Variants in TRIM33 observed in about 807,000 individuals in gnomAD.
TRIM33 encodes E3 ubiquitin-protein ligase TRIM33.
TRIM33 carries 20 observed loss-of-function variants against 125.4 expected under a neutral mutation model. The observed-to-expected ratio is 0.16, with a 90% CI of 0.11 to 0.23. TRIM33 has a LOEUF of 0.23. Ranked by LOEUF, TRIM33 falls within the 10% of genes least tolerant of loss-of-function variation. The pLI, the probability that TRIM33 is intolerant of heterozygous loss-of-function variation, is 1.00. For synonymous variants in TRIM33, 564 were observed against 513.9 expected, an observed-to-expected ratio of 1.10 and a Z score of -1.32; for missense variants, 920 against 1,411.4, an observed-to-expected ratio of 0.65 and a Z score of 5.58.
At chr1:114,457,417 C>A (rs1649691384) in intron 4 of TRIM33, among the ~76,000 whole-genome samples, 1 of 152,150 alleles carries the variant, frequency 6.6e-6, no homozygotes, top group Admixed American at 6.5e-5. Flanking sequence ...AAAATAGCTA[C>A]TACAGGCATT....
rs571394725 is a variant in TRIM33 at position 114,395,661 on chromosome 1, A to T, written c.*1987T>A. On this transcript the variant is annotated 3_prime_UTR_variant, in exon 20 of 20. Transcript: ENST00000358465. ...GCATAGGCATAAGTATTTTTAAATAATTTTCTCCCTCTTATTAAAAAACAT... is the reference window on the plus strand; with the variant it reads ...GCATAGGCATAAGTATTTTTAAATATTTTTCTCCCTCTTATTAAAAAACAT... 2.7e-4 allele frequency: 52 copies of T among 195,180 alleles called. No homozygotes were observed. The highest frequency in any genetic ancestry group is 1.2e-3 in the African/African-American group (51 of 43,392). The allele number at this position is 195,180 out of a possible 1,614,324, so 12.1% of individuals were successfully genotyped here.
intron 4 of TRIM33, among the ~76,000 whole-genome samples, chr1:114,434,301 TG>T (rs1648147867): frequency 6.6e-6 from 1 of 152,236 alleles, no homozygotes; most frequent in Non-Finnish European, 1.5e-5. Flanking sequence ...CCACTGCATG[TG>T]GCCTAACTAT....
chr1:114,470,623 G>C (rs896900715), intron 1 of TRIM33, among the ~76,000 whole-genome samples: 1 of 145,816 alleles, frequency 6.9e-6, no homozygotes, highest in African/African-American at 2.6e-5. Flanking sequence ...AATCGATTCA[G>C]CATGACTTGG....
chr1:114,425,742 G>T lies in TRIM33; in HGVS notation c.1421-19C>A. On this transcript the variant is annotated intron_variant, in intron 8 of 19. Coordinates refer to ENST00000358465, the MANE Select transcript of TRIM33 (RefSeq NM_015906.4). ...AGATTACCTGAAAAATTTAAAAAAT[G>T]AGAATTTGCATATAATCAACTAAAT... The T allele has an allele frequency of 6.4e-7, 1 of 1,554,752 alleles. No individual in the cohort carries two copies. Among genetic ancestry groups the T allele is most frequent in the South Asian group, 1.2e-5 (1 of 84,962 alleles).
intron 4 of TRIM33, among the ~76,000 whole-genome samples, chr1:114,455,038 G>A (rs1478838013): frequency 1.3e-5 from 2 of 152,148 alleles, no homozygotes; most frequent in Non-Finnish European, 2.9e-5. Flanking sequence ...TTGACTTAGA[G>A]GCACAGGATC....
At chr1:114,414,722 C>G (rs1652819030) in intron 11 of TRIM33, among the ~76,000 whole-genome samples, 1 of 152,134 alleles carries the variant, frequency 6.6e-6, no homozygotes, top group Admixed American at 6.5e-5. Context: ...CCTGTAAACT[C>G]TATGACAGCA....
intron 4 of TRIM33, among the ~76,000 whole-genome samples, chr1:114,446,869 C>T (rs1649012755): frequency 6.6e-6 from 1 of 152,102 alleles, no homozygotes; most frequent in Non-Finnish European, 1.5e-5. Context: ...CCAGCCCAGG[C>T]AACATGGCAA....
At chr1:114,417,467 T>A (rs1056881261) in intron 11 of TRIM33, among the ~76,000 whole-genome samples, 1 of 152,138 alleles carries the variant, frequency 6.6e-6, no homozygotes, top group East Asian at 1.9e-4. Flanking sequence ...ATACAGTAAG[T>A]GCTTAGTAAA....
intron 4 of TRIM33, among the ~76,000 whole-genome samples, chr1:114,441,394 T>TA (rs1235088721): frequency 2.6e-5 from 4 of 152,200 alleles, no homozygotes; most frequent in African/African-American, 9.6e-5. Context: ...GTAAATAAGG[T>TA]AAAATAAGGT....
chr1:114,397,093 A>T lies in TRIM33; in HGVS notation c.*555T>A, dbSNP rs1044002020. 9.0e-6 allele frequency: 2 copies of T among 222,996 alleles called. No homozygotes were observed. Among genetic ancestry groups the T allele is most frequent in the African/African-American group, 4.5e-5 (2 of 44,492 alleles). The allele number at this position is 222,996 out of a possible 1,614,324, so 13.8% of individuals were successfully genotyped here. A position where few individuals can be genotyped will look rare whatever the true frequency, so the allele number is the denominator to read the frequency against. ...ATATCAATTTAAAAACTAAGACCCA[A>T]CAGCATAAAAATGAGAAAAAACATA... On this transcript the variant is annotated 3_prime_UTR_variant, in exon 20 of 20. Coordinates refer to ENST00000358465, the MANE Select transcript of TRIM33 (RefSeq NM_015906.4).
chr1:114,455,384 A>G (rs1417621875), intron 4 of TRIM33, among the ~76,000 whole-genome samples: 1 of 152,158 alleles, frequency 6.6e-6, no homozygotes, highest in Non-Finnish European at 1.5e-5. Context: ...AGTATGCCTT[A>G]TGGTATATGG....
intron 1 of TRIM33, among the ~76,000 whole-genome samples, chr1:114,497,879 GAA>G (rs545036301): frequency 8.7e-6 from 1 of 114,670 alleles, no homozygotes; most frequent in Non-Finnish European, 1.9e-5. Flanking sequence ...AAGATCAAAA[GAA>G]AAAAAAAAAA....
At chr1:114,418,930 C>T (rs938295815) in intron 11 of TRIM33, among the ~76,000 whole-genome samples, 2 of 152,020 alleles carry the variant, frequency 1.3e-5, no homozygotes, top group African/African-American at 4.8e-5. Flanking sequence ...TTTGAAAAAC[C>T]CCTAAGCTGC....
chr1:114,447,263 G>C (rs1262566863), intron 4 of TRIM33, among the ~76,000 whole-genome samples: 1 of 152,190 alleles, frequency 6.6e-6, no homozygotes, highest in African/African-American at 2.4e-5. Flanking sequence ...AGGCAACAGA[G>C]GTAGTACGTG....
At chr1:114,492,611 T>C (rs990821691) in intron 1 of TRIM33, among the ~76,000 whole-genome samples, 1 of 152,158 alleles carries the variant, frequency 6.6e-6, no homozygotes, top group Non-Finnish European at 1.5e-5. Flanking sequence ...CTTGGTAACC[T>C]CTAGTCTACT....
rs781131022 is a variant in TRIM33, at chr1:114,417,692, CTT to C, written c.2061+3742_2061+3743del. ...ATTTTTCTTGAGATAGAGTTTCACT[CTT>C]GTTACCCAGGCTGGAGTGCAATGGC... On this transcript the variant is annotated intron_variant, in intron 11 of 19. Coordinates refer to ENST00000358465, the MANE Select transcript of TRIM33 (RefSeq NM_015906.4). 9.2e-5 allele frequency among the ~76,000 whole-genome samples: 14 copies of C among 152,082 alleles called. No individual in the cohort carries two copies. The East Asian group carries it at 1.2e-3, about 13-fold the overall frequency.
intron 11 of TRIM33, among the ~76,000 whole-genome samples, chr1:114,410,714 A>C (rs761221033): frequency 1.1e-4 from 16 of 152,124 alleles, no homozygotes; most frequent in Non-Finnish European, 2.1e-4. Flanking sequence ...CCCAGCTCTG[A>C]AACTCTGAAA....
intron 1 of TRIM33, among the ~76,000 whole-genome samples, chr1:114,467,055 T>C (rs1246807107): frequency 7.2e-5 from 11 of 152,240 alleles, no homozygotes; most frequent in Non-Finnish European, 1.5e-4. Flanking sequence ...GTGACGTAAA[T>C]GCCAAGATCT....
intron 4 of TRIM33, among the ~76,000 whole-genome samples, chr1:114,443,115 G>T (rs1278789133): frequency 2.0e-5 from 3 of 150,438 alleles, no homozygotes; most frequent in Non-Finnish European, 3.0e-5. Context: ...CAGGTGCGGT[G>T]GCTCACACCT....
Sources: allele counts gnomAD v4.1 joint callset (sites outside exome capture counted in the v4.1 genomes callset), GRCh38; gene constraint gnomAD v4.1.1; transcripts MANE v1.5; gene names NCBI Gene and HGNC (gene_info 2026-07-23, HGNC 2026-07-21).